Variants in GRID2 observed in about 807,000 individuals in gnomAD.
GRID2 encodes glutamate receptor ionotropic, delta-2.
Under a neutral mutation model 114.8 loss-of-function variants are expected in GRID2, and 33 were observed. The observed-to-expected ratio is 0.29, with a 90% CI of 0.22 to 0.38. GRID2 has a LOEUF of 0.38. Among genes scored for constraint, GRID2 ranks in the 10% least tolerant of loss-of-function variants. The pLI, the probability that GRID2 is intolerant of heterozygous loss-of-function variation, is 1.00. For missense variants in GRID2, 1,184 were observed against 1,257.7 expected (o/e 0.94, Z 0.89); for synonymous variants, 505 against 449.9 (o/e 1.12, Z -1.55).
intron 2 of GRID2, among the ~76,000 whole-genome samples, chr4:92,614,678 C>T (rs1729918265): frequency 6.6e-6 from 1 of 151,520 alleles, no homozygotes. Context: ...TGTGTATTTG[C>T]TATTATTGGG....
chr4:92,606,132 A>G (rs1411308309), intron 2 of GRID2, among the ~76,000 whole-genome samples: 1 of 140,672 alleles, frequency 7.1e-6, no homozygotes, highest in Admixed American at 7.1e-5. Flanking sequence ...TATATTATTG[A>G]ATCCTAAGAA....
intron 1 of GRID2, among the ~76,000 whole-genome samples, chr4:92,523,337 C>G (rs938903593): frequency 3.3e-5 from 5 of 151,798 alleles, no homozygotes; most frequent in Non-Finnish European, 7.4e-5. Flanking sequence ...TGGAGGCAAC[C>G]AGTAGACAGT....
At chr4:93,701,816 C>T (rs914717541) in intron 14 of GRID2, among the ~76,000 whole-genome samples, 1 of 151,840 alleles carries the variant, frequency 6.6e-6, no homozygotes, top group Admixed American at 6.6e-5. Flanking sequence ...TAGTAAAACC[C>T]CATCTCTAAA....
intron 1 of GRID2, among the ~76,000 whole-genome samples, chr4:92,376,019 G>T (rs760348631): frequency 6.6e-6 from 1 of 151,934 alleles, no homozygotes; most frequent in Non-Finnish European, 1.5e-5. Context: ...CTCCATAAAA[G>T]AATTTTTTTC....
chr4:93,098,521 C>T (rs4274812), intron 3 of GRID2, among the ~76,000 whole-genome samples: 80,664 of 151,760 alleles, frequency 0.53, 22,968 homozygotes, highest in African/African-American at 0.72. Flanking sequence ...AGGTGCTCGT[C>T]AGAATAGAAA....
chr4:93,404,344 A>G (rs1220794330), intron 9 of GRID2, among the ~76,000 whole-genome samples: 1 of 152,096 alleles, frequency 6.6e-6, no homozygotes, highest in African/African-American at 2.4e-5. Flanking sequence ...GAATATACTA[A>G]AGCTATTGGA....
intron 14 of GRID2, among the ~76,000 whole-genome samples, chr4:93,732,543 T>C (rs6837139): frequency 0.36 from 54,985 of 152,054 alleles, 10,717 homozygotes; most frequent in East Asian, 0.72. Flanking sequence ...AAGCAAGATT[T>C]TTCTTGGCAC....
At chr4:92,667,700 A>AT in intron 2 of GRID2, among the ~76,000 whole-genome samples, 1 of 151,744 alleles carries the variant, frequency 6.6e-6, no homozygotes, top group South Asian at 2.1e-4. Context: ...AAATCTAGAA[A>AT]ATTAAAAAAA....
intron 3 of GRID2, among the ~76,000 whole-genome samples, chr4:93,106,165 C>T (rs1324336311): frequency 2.0e-5 from 3 of 152,218 alleles, no homozygotes; most frequent in Non-Finnish European, 4.4e-5. Context: ...ATAAATAGCA[C>T]CTAGTCACAC....
At chr4:93,228,688 G>A (rs2149497453) in intron 7 of GRID2, among the ~76,000 whole-genome samples, 1 of 152,266 alleles carries the variant, frequency 6.6e-6, no homozygotes, top group South Asian at 2.1e-4. Flanking sequence ...GAGCTGGCAG[G>A]TATAAATCCA....
At chr4:92,842,763 A>AT (rs1743004252) in intron 2 of GRID2, among the ~76,000 whole-genome samples, 1 of 152,162 alleles carries the variant, frequency 6.6e-6, no homozygotes, top group Non-Finnish European at 1.5e-5. Context: ...ATGAGCCACC[A>AT]TGCCAGGCCT....
At chr4:92,602,259 G>A (rs1729252521) in intron 2 of GRID2, among the ~76,000 whole-genome samples, 1 of 148,254 alleles carries the variant, frequency 6.7e-6, no homozygotes, top group Non-Finnish European at 1.5e-5. Context: ...AAAAGAAAAA[G>A]CTTCAGGCCA....
intron 1 of GRID2, among the ~76,000 whole-genome samples, chr4:93,806,320 T>C (rs1735031877): frequency 1.3e-5 from 2 of 152,156 alleles, no homozygotes; most frequent in African/African-American, 4.8e-5. Context: ...TGTGTGACTG[T>C]ATATCGACAC....
intron 8 of GRID2, among the ~76,000 whole-genome samples, chr4:93,259,417 C>G (rs1201201598): frequency 6.6e-6 from 1 of 151,730 alleles, no homozygotes. Context: ...TCAAAATAGT[C>G]TCGACTGTGT....
At chr4:92,904,279 T>G (rs1747791230) in intron 2 of GRID2, among the ~76,000 whole-genome samples, 1 of 150,820 alleles carries the variant, frequency 6.6e-6, no homozygotes, top group South Asian at 2.1e-4. Flanking sequence ...AGCTTGTAAT[T>G]TTTTACACAT....
At chr4:93,590,307 A>T (rs922266926) in intron 13 of GRID2, among the ~76,000 whole-genome samples, 49 of 150,624 alleles carry the variant, frequency 3.3e-4, no homozygotes, top group African/African-American at 1.2e-3. Flanking sequence ...TTTATTAAAT[A>T]GGGAATCCTT....
intron 1 of GRID2, among the ~76,000 whole-genome samples, chr4:92,543,275 C>T (rs1353512389): frequency 6.6e-6 from 1 of 151,944 alleles, no homozygotes; most frequent in Non-Finnish European, 1.5e-5. Context: ...AGGAAATTGC[C>T]CAAGGTCACA....
At chr4:92,931,093 A>G (rs1277190732) in intron 2 of GRID2, among the ~76,000 whole-genome samples, 2 of 139,690 alleles carry the variant, frequency 1.4e-5, no homozygotes, top group Non-Finnish European at 3.2e-5. Context: ...ACCACTACAA[A>G]CATAGTTAAA....
At chr4:93,322,854 G>T (rs941330565) in intron 8 of GRID2, among the ~76,000 whole-genome samples, 33 of 152,138 alleles carry the variant, frequency 2.2e-4, no homozygotes, top group African/African-American at 7.7e-4. Flanking sequence ...CTTTTGAGAA[G>T]TGTCTGTTCA....
Sources: gnomAD v4.1 joint callset for allele counts (sites outside exome capture counted in the v4.1 genomes callset) on GRCh38, gnomAD v4.1.1 for gene constraint, MANE v1.5 for transcripts, NCBI Gene and HGNC (gene_info 2026-07-23, HGNC 2026-07-21) for gene names.